The following SLC7A14 variants were observed in gnomAD, a reference collection of about 807,000 sequenced individuals.
The protein encoded by SLC7A14 is solute carrier family 7 member 14, also known as gamma-aminobutyric acid transporter SLC7A14.
In SLC7A14, 37 loss-of-function variants were observed where a neutral mutation model predicts 60.2. The ratio of observed to expected loss-of-function variants is 0.61; its 90% confidence interval spans 0.47 to 0.81. The LOEUF (loss-of-function observed/expected upper bound fraction) is 0.81, where lower values mean the gene tolerates loss of function less well. Among genes scored for constraint, SLC7A14 ranks in the 30% least tolerant of loss-of-function variants. The pLI is 0.00. For missense variants in SLC7A14, 886 were observed against 982.7 expected (o/e 0.90, Z 1.32); for synonymous variants, 399 against 395.8 (o/e 1.01, Z -0.10).
At chr3:170,557,498 A>C (rs1165420813) in intron 1 of SLC7A14, among the ~76,000 whole-genome samples, 2 of 152,218 alleles carry the variant, frequency 1.3e-5, no homozygotes, top group Non-Finnish European at 2.9e-5. Context: ...CAGGGATCTC[A>C]TAGTCAGTTG....
chr3:170,556,874 T>A (rs916559264), intron 1 of SLC7A14, among the ~76,000 whole-genome samples: 1 of 152,218 alleles, frequency 6.6e-6, no homozygotes, highest in East Asian at 1.9e-4. Flanking sequence ...AAGATCTACG[T>A]TATTCTCACT....
intron 4 of SLC7A14, among the ~76,000 whole-genome samples, chr3:170,492,205 T>G (rs1284478034): frequency 6.6e-6 from 1 of 152,174 alleles, no homozygotes; most frequent in Non-Finnish European, 1.5e-5. Flanking sequence ...GTGCAGTACC[T>G]AGGGGTGAGC....
At chr3:170,565,638 AGAGG>A (rs1201292163) in intron 1 of SLC7A14, among the ~76,000 whole-genome samples, 2 of 152,154 alleles carry the variant, frequency 1.3e-5, no homozygotes. Context: ...AAAAAAAGTC[AGAGG>A]GAGGCTGAGC....
chr3:170,481,583 G>A (rs1711825456), intron 6 of SLC7A14, among the ~76,000 whole-genome samples: 1 of 151,958 alleles, frequency 6.6e-6, no homozygotes, highest in Non-Finnish European at 1.5e-5. Flanking sequence ...TGTATTTTTA[G>A]TAGAGACAGA....
intron 3 of SLC7A14, among the ~76,000 whole-genome samples, chr3:170,500,848 A>G (rs2422038): frequency 0.035 from 5,331 of 152,252 alleles, 319 homozygotes; most frequent in African/African-American, 0.12. Flanking sequence ...GCCCCACTGT[A>G]GAATATTTAG....
At chr3:170,517,989 G>T (rs758261508) in intron 2 of SLC7A14, among the ~76,000 whole-genome samples, 6 of 152,184 alleles carry the variant, frequency 3.9e-5, no homozygotes, top group Non-Finnish European at 8.8e-5. Context: ...TGGCTACAAA[G>T]ATCTCAGAGA....
chr3:170,506,933 A>T (rs1197342446), intron 2 of SLC7A14, among the ~76,000 whole-genome samples: 3 of 152,180 alleles, frequency 2.0e-5, no homozygotes, highest in Admixed American at 2.0e-4. Context: ...GATGAATTCA[A>T]TTATTATGTT....
chr3:170,526,569 G>A lies in SLC7A14; in HGVS notation c.304+64C>T, dbSNP rs1437032008. On this transcript the variant is annotated intron_variant, in intron 2 of 7. Coordinates refer to ENST00000231706, the MANE Select transcript of SLC7A14 (RefSeq NM_020949.3). ...ACCACTAAATACTCCGGAGAAAGGG[G>A]ATGAACAGTGACCAGGCTGGTAAGC... 1.4e-5 allele frequency: 22 copies of A among 1,557,638 alleles called. No individual in the cohort carries two copies. In the South Asian group the frequency reaches 2.5e-4, roughly 18 times the overall value.
At chr3:170,550,098 T>A (rs1714299623) in intron 1 of SLC7A14, among the ~76,000 whole-genome samples, 1 of 152,252 alleles carries the variant, frequency 6.6e-6, no homozygotes, top group African/African-American at 2.4e-5. Flanking sequence ...TGGTCCTCAA[T>A]TCTATTAGCC....
chr3:170,564,924 C>A (rs185264538), intron 1 of SLC7A14, among the ~76,000 whole-genome samples: 1 of 152,220 alleles, frequency 6.6e-6, no homozygotes, highest in East Asian at 1.9e-4. Flanking sequence ...GCCCTGTAGG[C>A]CTATTTTGAG....
At chr3:170,505,652 G>A (rs915151051) in intron 2 of SLC7A14, among the ~76,000 whole-genome samples, 8 of 152,156 alleles carry the variant, frequency 5.3e-5, no homozygotes, top group Non-Finnish European at 1.2e-4. Flanking sequence ...TTGGGAGGGC[G>A]AGGCGGGTGG....
intron 2 of SLC7A14, among the ~76,000 whole-genome samples, chr3:170,515,203 C>T (rs1460198992): frequency 6.6e-6 from 1 of 151,968 alleles, no homozygotes; most frequent in Non-Finnish European, 1.5e-5. Context: ...ATCCTAGCTA[C>T]CCAGGAGGCT....
chr3:170,565,975 T>C (rs375682258), intron 1 of SLC7A14, among the ~76,000 whole-genome samples: 10 of 152,304 alleles, frequency 6.6e-5, no homozygotes, highest in African/African-American at 2.2e-4. Context: ...TTGAATATGA[T>C]TCATGCAATG....
chr3:170,566,251 C>T (rs1286095917), intron 1 of SLC7A14, among the ~76,000 whole-genome samples: 1 of 152,152 alleles, frequency 6.6e-6, no homozygotes, highest in Non-Finnish European at 1.5e-5. Flanking sequence ...CTCTCTGTAC[C>T]TCTGCTCATT....
At chr3:170,503,870 G>A (rs147173105) in intron 2 of SLC7A14, among the ~76,000 whole-genome samples, 147 of 152,284 alleles carry the variant, frequency 9.7e-4, no homozygotes, top group African/African-American at 3.4e-3. Flanking sequence ...GTCCATTGCT[G>A]TCTGAATCAG....
chr3:170,528,500 C>G (rs1475808347), intron 1 of SLC7A14, among the ~76,000 whole-genome samples: 2 of 152,214 alleles, frequency 1.3e-5, no homozygotes, highest in Non-Finnish European at 2.9e-5. Flanking sequence ...CTCATCTACT[C>G]ATAGTATTAA....
chr3:170,574,261 T>G (rs1560285158), intron 1 of SLC7A14, among the ~76,000 whole-genome samples: 1 of 152,232 alleles, frequency 6.6e-6, no homozygotes, highest in Non-Finnish European at 1.5e-5. Context: ...TTTAAAAAAG[T>G]CTTTTATCAA....
chr3:170,565,190 G>T (rs577119556), intron 1 of SLC7A14, among the ~76,000 whole-genome samples: 5 of 152,248 alleles, frequency 3.3e-5, no homozygotes, highest in African/African-American at 1.2e-4. Context: ...TGGCAGGGGT[G>T]GGGTAGAGTA....
intron 7 of SLC7A14, among the ~76,000 whole-genome samples, chr3:170,479,805 CA>C (rs1711748850): frequency 6.6e-6 from 1 of 152,040 alleles, no homozygotes; most frequent in South Asian, 2.1e-4. Context: ...AAAATTATGC[CA>C]AAAAATCCAC....
Sources: allele counts gnomAD v4.1 joint callset (sites outside exome capture counted in the v4.1 genomes callset), GRCh38; gene constraint gnomAD v4.1.1; transcripts MANE v1.5; gene names NCBI Gene and HGNC (gene_info 2026-07-23, HGNC 2026-07-21).